MID1: variants seen among roughly 807,000 people sequenced by gnomAD.
MID1 encodes midline 1.
Under a neutral mutation model 40.4 loss-of-function variants are expected in MID1, and 7 were observed. The ratio of observed to expected loss-of-function variants is 0.17; its 90% confidence interval spans 0.10 to 0.33. The LOEUF is 0.33. MID1 is among the 10% of genes least tolerant of loss of function. The pLI is 1.00. For synonymous variants in MID1, 229 were observed against 221.2 expected (o/e 1.04, Z -0.31); for missense variants, 367 against 558.5 (o/e 0.66, Z 3.46).
chrX:10,663,109 T>C (rs1319774958), intron 1 of MID1, among the ~76,000 whole-genome samples: 1 of 111,894 alleles, frequency 8.9e-6, no homozygotes, highest in Non-Finnish European at 1.9e-5. Flanking sequence ...TCTTTTCTTT[T>C]TTTTTAAAGT....
chrX:10,820,951 T>G (rs182314241), intron 1 of MID1, among the ~76,000 whole-genome samples: 17 of 112,147 alleles, frequency 1.5e-4, no homozygotes, highest in Middle Eastern at 4.6e-3. Context: ...ATTGTAAACA[T>G]AAGTTATTAT....
intron 1 of MID1, among the ~76,000 whole-genome samples, chrX:10,599,366 T>A (rs1032330179): frequency 8.9e-6 from 1 of 112,169 alleles, no homozygotes; most frequent in African/African-American, 3.2e-5. Flanking sequence ...CCTCTTCAAA[T>A]CTCCAATGCC....
At chrX:10,594,801 AC>A (rs1935381177) in intron 1 of MID1, among the ~76,000 whole-genome samples, 1 of 111,924 alleles carries the variant, frequency 8.9e-6, no homozygotes, top group Non-Finnish European at 1.9e-5. Context: ...TTAATTCTTC[AC>A]CATACAAGAC....
At chrX:10,577,259 T>C (rs1934895678) in intron 1 of MID1, among the ~76,000 whole-genome samples, 1 of 111,808 alleles carries the variant, frequency 8.9e-6, no homozygotes, top group Admixed American at 9.5e-5. Context: ...ATGCCACCAA[T>C]AGGAGCCGTC....
chrX:10,616,500 CT>C (rs781615583), intron 1 of MID1, among the ~76,000 whole-genome samples: 58 of 111,977 alleles, frequency 5.2e-4, no homozygotes, highest in African/African-American at 1.6e-3. Flanking sequence ...AAATCCCCTC[CT>C]TTCACCAACG....
intron 2 of MID1, among the ~76,000 whole-genome samples, chrX:10,531,729 G>C (rs1249020429): frequency 2.7e-5 from 3 of 111,941 alleles, no homozygotes; most frequent in Non-Finnish European, 5.6e-5. Flanking sequence ...AGATAAATAG[G>C]TATCTTAGTA....
chrX:10,738,265 A>C (rs954218850), intron 1 of MID1, among the ~76,000 whole-genome samples: 1 of 112,148 alleles, frequency 8.9e-6, no homozygotes, highest in Non-Finnish European at 1.9e-5. Context: ...ACATAACAGG[A>C]AATGCTCCAG....
chrX:10,533,599 G>GGA (rs1164553334), intron 2 of MID1, among the ~76,000 whole-genome samples: 3 of 110,986 alleles, frequency 2.7e-5, no homozygotes, highest in Non-Finnish European at 5.7e-5. Context: ...ACCTACTATG[G>GGA]GAGTGTAGGA....
intron 1 of MID1, among the ~76,000 whole-genome samples, chrX:10,787,666 CT>C (rs1282136530): frequency 9.9e-6 from 1 of 101,031 alleles, no homozygotes; most frequent in Non-Finnish European, 2.0e-5. Flanking sequence ...TCGGCTAAGC[CT>C]CCCAAAGTGC....
intron 8 of MID1, among the ~76,000 whole-genome samples, chrX:10,455,795 G>GT (rs1928625459): frequency 9.0e-6 from 1 of 111,627 alleles, no homozygotes; most frequent in African/African-American, 3.3e-5. Context: ...CAATGCCTGG[G>GT]TTTTCTACTC....
chrX:10,748,897 T>C lies in MID1; in HGVS notation c.-187+84657A>G, dbSNP rs139322327. On this transcript the variant is annotated intron_variant, in intron 1 of 10. Coordinates refer to the MID1 transcript ENST00000380785. ...ACACAAATGCTGTCATAAGGCAAGA[T>C]AGTCTTTGGTACTGCTATTTTAAGG... 5.0e-3 allele frequency among the ~76,000 whole-genome samples: 558 copies of C among 111,367 alleles called. 1 individual carries two copies. The highest frequency in any genetic ancestry group is 8.0e-3 in the Non-Finnish European group (424 of 53,042).
intron 1 of MID1, among the ~76,000 whole-genome samples, chrX:10,747,779 A>T (rs2043569192): frequency 8.9e-6 from 1 of 112,090 alleles, no homozygotes; most frequent in South Asian, 3.7e-4. Flanking sequence ...GAATCCACTC[A>T]TTACGTGTTC....
intron 1 of MID1, among the ~76,000 whole-genome samples, chrX:10,737,687 G>A (rs976908115): frequency 9.2e-6 from 1 of 108,228 alleles, no homozygotes; most frequent in African/African-American, 3.4e-5. Context: ...GAAGAAGGGG[G>A]ATAGAGTGGA....
At chrX:10,670,794 T>G (rs1305432083) in intron 1 of MID1, among the ~76,000 whole-genome samples, 1 of 112,369 alleles carries the variant, frequency 8.9e-6, no homozygotes, top group African/African-American at 3.2e-5. Context: ...AGTCATTCAA[T>G]GAATGTACAC....
At chrX:10,498,138 C>G (rs1931355398) in intron 3 of MID1, among the ~76,000 whole-genome samples, 1 of 111,723 alleles carries the variant, frequency 9.0e-6, no homozygotes, top group Non-Finnish European at 1.9e-5. Context: ...TGCTCTTGCT[C>G]TATCACTCAG....
intron 1 of MID1, among the ~76,000 whole-genome samples, chrX:10,749,983 G>T (rs1184013052): frequency 9.0e-6 from 1 of 111,512 alleles, no homozygotes; most frequent in African/African-American, 3.3e-5. Context: ...TTTTGCCAAA[G>T]ACTCTTCTGG....
At chrX:10,759,951 ATCT>A (rs1406245776) in intron 1 of MID1, among the ~76,000 whole-genome samples, 118 of 112,034 alleles carry the variant, frequency 1.1e-3, no homozygotes, top group African/African-American at 3.6e-3. Flanking sequence ...GAGGACACTG[ATCT>A]TCTCCTAGCG....
At chrX:10,793,505 G>A (rs767027763) in intron 1 of MID1, among the ~76,000 whole-genome samples, 33 of 111,854 alleles carry the variant, frequency 3.0e-4, no homozygotes, top group African/African-American at 9.7e-4. Flanking sequence ...TCACAATGTC[G>A]CCATCCCGAT....
At chrX:10,707,478 C>T (rs966445301) in intron 1 of MID1, among the ~76,000 whole-genome samples, 3 of 112,069 alleles carry the variant, frequency 2.7e-5, no homozygotes, top group African/African-American at 9.7e-5. Context: ...TCCAGCTATA[C>T]TTTGCCAATA....
Sources: gnomAD v4.1 joint callset for allele counts (sites outside exome capture counted in the v4.1 genomes callset) on GRCh38, gnomAD v4.1.1 for gene constraint, MANE v1.5 for transcripts, NCBI Gene and HGNC (gene_info 2026-07-23, HGNC 2026-07-21) for gene names.